USP39: variants seen among roughly 807,000 people sequenced by gnomAD.
USP39 encodes ubiquitin carboxyl-terminal hydrolase 39.
A neutral mutation model predicts 66.4 loss-of-function variants in USP39; 38 were observed. The observed-to-expected ratio is 0.57, with a 90% confidence interval of 0.44 to 0.75. The LOEUF is 0.75. Among genes scored for constraint, USP39 ranks in the 30% least tolerant of loss-of-function variants. USP39 has a pLI of 0.00. For missense variants in USP39, 608 were observed against 714.4 expected, an observed-to-expected ratio of 0.85 and a Z score of 1.70; for synonymous variants, 303 against 274.6, an observed-to-expected ratio of 1.10 and a Z score of -1.02.
chr2:85,630,839 T>C lies in USP39; in HGVS notation c.842T>C (p.Met281Thr), dbSNP rs1341114649. The C allele has an allele frequency of 6.2e-7, 1 of 1,614,180 alleles. No individual in the cohort carries two copies. Among genetic ancestry groups the C allele is most frequent in the Non-Finnish European group, 8.5e-7 (1 of 1,180,032 alleles). Reference protein sequence around the residue: ...FLLVQRFGELMRKLWNPRNFK... With the variant: ...FLLVQRFGELTRKLWNPRNFK... ...TTGGTCCAGCGTTTTGGAGAGCTGA[T>C]GAGAAAGCTCTGGAACCCTCGAAAT... Residue 281 changes from methionine to threonine, a missense_variant, in exon 6 of 13, where the codon ATG (methionine) becomes ACG (threonine). Met to Thr is a moderately conservative substitution (Grantham distance 81). This residue lies in a region of USP39 where 17 missense variants were observed against 38.0 expected (regional missense o/e 0.45). Transcript: ENST00000323701.
At chr2:85,611,619 T>C (rs1389805388), upstream of USP39, 6 of 1,559,726 alleles carry the variant, frequency 3.8e-6, no homozygotes, top group East Asian at 1.4e-4. Flanking sequence ...GGGGAGTGCG[T>C]TGCAGGAAGA....
chr2:85,615,711 A>G (rs1384922306), upstream of USP39, among the ~76,000 whole-genome samples: 2 of 151,482 alleles, frequency 1.3e-5, no homozygotes, highest in Non-Finnish European at 2.9e-5. Context: ...GCTCACCGCA[A>G]CCTCCGCCTC....
intron 11 of USP39, 79 bp downstream of exon 11, chr2:85,645,162 T>A (rs10182351): frequency 0.04 from 64,458 of 1,591,664 alleles, 4,166 homozygotes; most frequent in East Asian, 0.31. Flanking sequence ...GCAGCTCCCT[T>A]CAGTGTGTCC....
chr2:85,618,610 T>G (rs191977077), intron 1 of USP39, among the ~76,000 whole-genome samples: 5 of 151,804 alleles, frequency 3.3e-5, no homozygotes, highest in Admixed American at 6.6e-5. Context: ...ATATGGTACA[T>G]TTGTATTACA....
In USP39 at chr2:85,644,945, C is replaced by T; in HGVS notation, c.1428-3C>T. 6.2e-7 allele frequency: 1 copy of T among 1,613,916 alleles called. No individual in the cohort carries two copies. The highest frequency in any genetic ancestry group is 8.5e-7 in the Non-Finnish European group (1 of 1,179,922). On this transcript the variant is annotated splice_polypyrimidine_tract_variant and splice_region_variant and intron_variant, in intron 10 of 12. Coordinates refer to ENST00000323701, the MANE Select transcript of USP39 (RefSeq NM_006590.4). ...ATTCCGGCTTTATTTTAACCATTAA[C>T]AGAAATGTGGATCTGAGAGAATACT...
chr2:85,608,727 A>G, upstream of USP39: 1 of 308,360 alleles, frequency 3.2e-6, no homozygotes. Flanking sequence ...AAAAAAAAAA[A>G]AAGAATTCCA....
Position 85,639,171 on chromosome 2 carries a change from C to G in USP39, c.1096-32C>G, listed in dbSNP as rs772707795. ...GTTGGTTCCTATACCCGTCACACTC[C>G]TTTCCTCTCTTTTCTTCTCATTCAT... On this transcript the variant is annotated intron_variant, in intron 8 of 12. Coordinates refer to ENST00000323701, the MANE Select transcript of USP39 (RefSeq NM_006590.4). 2.5e-6 allele frequency: 4 copies of G among 1,595,306 alleles called. No individual in the cohort carries two copies. The Admixed American group carries it at 6.9e-5, about 28-fold the overall frequency.
intron 6 of USP39, among the ~76,000 whole-genome samples, chr2:85,635,637 A>G (rs1284090491): frequency 6.6e-6 from 1 of 152,190 alleles, no homozygotes; most frequent in Non-Finnish European, 1.5e-5. Flanking sequence ...AATATTGTCA[A>G]TCTGCTTTCA....
At chr2:85,609,807 A>G (rs1237217990), upstream of USP39, among the ~76,000 whole-genome samples, 2 of 151,936 alleles carry the variant, frequency 1.3e-5, no homozygotes, top group Non-Finnish European at 2.9e-5. Flanking sequence ...CAGCCTCCCG[A>G]GTAGCTGGGA....
chr2:85,616,039 A>C, upstream of USP39: 1 of 1,290,672 alleles, frequency 7.7e-7, no homozygotes, highest in Non-Finnish European at 9.8e-7. Context: ...CCAGTGCAGG[A>C]ACAGCACCGC....
chr2:85,645,635 A>G (rs1676587686), intron 11 of USP39, among the ~76,000 whole-genome samples: 1 of 152,090 alleles, frequency 6.6e-6, no homozygotes, highest in Non-Finnish European at 1.5e-5. Context: ...TTATAATAGT[A>G]GTTTTCAGCT....
At chr2:85,612,423 A>G, upstream of USP39, 1 of 1,470,398 alleles carries the variant, frequency 6.8e-7, no homozygotes, top group Non-Finnish European at 9.2e-7. Context: ...TAACGCTGCC[A>G]CTTCTCAGTT....
At chr2:85,625,787 G>C in intron 5 of USP39, 96 bp downstream of exon 5, 1 of 1,481,384 alleles carries the variant, frequency 6.8e-7, no homozygotes, top group South Asian at 1.3e-5. Flanking sequence ...GGGAGGCCAA[G>C]GCAGGCGGAT....
intron 5 of USP39, among the ~76,000 whole-genome samples, chr2:85,626,411 A>G (rs1044822438): frequency 6.6e-6 from 1 of 152,196 alleles, no homozygotes; most frequent in African/African-American, 2.4e-5. Flanking sequence ...GATGATCCTC[A>G]GACACCAAGT....
chr2:85,612,104 G>T, upstream of USP39: 2 of 970,432 alleles, frequency 2.1e-6, no homozygotes, highest in Non-Finnish European at 2.9e-6. Context: ...TTCCGGTCTG[G>T]GAGGCCCCGG....
intron 6 of USP39, among the ~76,000 whole-genome samples, chr2:85,635,035 T>G (rs2104316527): frequency 6.6e-6 from 1 of 152,302 alleles, no homozygotes; most frequent in East Asian, 1.9e-4. Flanking sequence ...TGAGACCTAG[T>G]AGGTTATTAG....
chr2:85,611,344 G>T, upstream of USP39: 1 of 1,439,032 alleles, frequency 6.9e-7, no homozygotes, highest in Non-Finnish European at 9.1e-7. Context: ...TTATGTGCTG[G>T]TCGCTCATCG....
intron 1 of USP39, among the ~76,000 whole-genome samples, chr2:85,618,313 C>T (rs1674157455): frequency 6.6e-6 from 1 of 151,622 alleles, no homozygotes; most frequent in African/African-American, 2.4e-5. Flanking sequence ...CCTGTAATCC[C>T]AGCACTTTGG....
intron 5 of USP39, among the ~76,000 whole-genome samples, chr2:85,626,977 G>A (rs1394556429): frequency 6.6e-6 from 1 of 152,118 alleles, no homozygotes; most frequent in Non-Finnish European, 1.5e-5. Flanking sequence ...TTGAACTCCT[G>A]ACCTCGTGAT....
Sources: gnomAD v4.1 joint callset for allele counts (sites outside exome capture counted in the v4.1 genomes callset) on GRCh38, gnomAD v4.1.1 for gene constraint, gnomAD v4.1.1 regional missense constraint, MANE v1.5 for transcripts, NCBI Gene and HGNC (gene_info 2026-07-23, HGNC 2026-07-21) for gene names.